Variants in TFAM observed in about 807,000 individuals in gnomAD.
TFAM encodes the protein mitochondrial transcription factor 1.
In TFAM, 13 loss-of-function variants were observed where a neutral mutation model predicts 30.6. That is an observed-to-expected ratio of 0.42 (90% confidence interval 0.28 to 0.67). The LOEUF (loss-of-function observed/expected upper bound fraction) is 0.67, where lower values mean the gene tolerates loss of function less well. Ranked by LOEUF, TFAM falls within the 30% of genes least tolerant of loss-of-function variation. The pLI is 0.21. For missense variants in TFAM, 231 were observed against 293.7 expected, an observed-to-expected ratio of 0.79 and a Z score of 1.56; for synonymous variants, 106 against 94.8, an observed-to-expected ratio of 1.12 and a Z score of -0.69.
intron 4 of TFAM, among the ~76,000 whole-genome samples, chr10:58,390,222 C>T (rs1840565652): frequency 6.6e-6 from 1 of 152,188 alleles, no homozygotes; most frequent in African/African-American, 2.4e-5. Flanking sequence ...ACTCCCTGAA[C>T]TCAGAAATTA....
chr10:58,387,786 T>C (rs887178807), intron 2 of TFAM, among the ~76,000 whole-genome samples: 1 of 151,840 alleles, frequency 6.6e-6, no homozygotes, highest in Non-Finnish European at 1.5e-5. Flanking sequence ...TAACATTAGC[T>C]GGACATGATG....
chr10:58,394,520 A>G, intron 6 of TFAM, 106 bp downstream of exon 6: 1 of 964,100 alleles, frequency 1.0e-6, no homozygotes, highest in Non-Finnish European at 1.7e-6. Context: ...ATTACTAATA[A>G]TACAAGTATT....
intron 5 of TFAM, among the ~76,000 whole-genome samples, chr10:58,392,202 A>G (rs947528023): frequency 6.6e-6 from 1 of 152,142 alleles, no homozygotes; most frequent in Non-Finnish European, 1.5e-5. Context: ...TGGGAGATTA[A>G]ATTTTTGAGT....
chr10:58,391,102 A>T (rs1840590683), intron 5 of TFAM, among the ~76,000 whole-genome samples: 1 of 152,032 alleles, frequency 6.6e-6, no homozygotes, highest in Non-Finnish European at 1.5e-5. Flanking sequence ...CATTTTTTTT[A>T]ATATGTAGGG....
In TFAM at chr10:58,386,077, AAT is replaced by A; in HGVS notation, c.102-141_102-140del. On this transcript the variant is annotated intron_variant, in intron 1 of 6. Transcript: ENST00000487519. ...TCCCCTCCGTTTAGGACAGGGTTTT[AAT>A]AAGTCTCTAGCATTCTTGTTGAAGG... 9.3e-6 allele frequency: 7 copies of A among 751,910 alleles called. No homozygotes were observed. In the South Asian group the frequency reaches 1.0e-4, roughly 11 times the overall value. 46.6% of individuals were successfully genotyped at this position (751,910 alleles called of 1,614,324 possible). A position where few individuals can be genotyped will look rare whatever the true frequency, so the allele number is the denominator to read the frequency against.
chr10:58,396,383 G>C lies in TFAM; in HGVS notation c.*1309G>C, dbSNP rs1840682492. On this transcript the variant is annotated 3_prime_UTR_variant, in exon 7 of 7. Transcript: ENST00000487519. ...CATTGTCACCTTTAAGAGGAAAAAG[G>C]TCATCACTAGATAATCTAAACAAAT... 1 of 152,142 alleles carries C rather than the reference G, an allele frequency of 6.6e-6. No homozygotes were observed. The highest frequency in any genetic ancestry group is 2.4e-5 in the African/African-American group (1 of 41,426). 9.4% of individuals were successfully genotyped at this position (152,142 alleles called of 1,614,324 possible).
intron 5 of TFAM, among the ~76,000 whole-genome samples, chr10:58,393,653 G>A (rs530382126): frequency 6.6e-5 from 10 of 152,168 alleles, no homozygotes; most frequent in East Asian, 1.9e-4. Context: ...TTTGGGAAGC[G>A]GGGTGGGAGG....
chr10:58,390,839 A>C lies in TFAM; in HGVS notation c.516A>C (p.Glu172Asp). Reference sequence around the variant, plus strand: ...TTTATGTAGCTGAAAGATTCCAAGAAGCTAAGGGTGATTCACCGCAGGTAA... The same window carrying C: ...TTTATGTAGCTGAAAGATTCCAAGACGCTAAGGGTGATTCACCGCAGGTAA... ...YNVYVAERFQ[E>D]AKGDSPQEKL... Residue 172 changes from glutamate (E) to aspartate (D), a missense_variant, in exon 5 of 7, where the codon GAA (glutamate) becomes GAC (aspartate). Glu to Asp is a conservative substitution (Grantham distance 45). Coordinates refer to ENST00000487519, the MANE Select transcript of TFAM (RefSeq NM_003201.3). The C allele has an allele frequency of 6.2e-7, 1 of 1,613,162 alleles. No homozygotes were observed. The highest frequency in any genetic ancestry group is 8.5e-7 in the Non-Finnish European group (1 of 1,179,710).
At chr10:58,385,786 G>T (rs1840475272) in intron 1 of TFAM, 138 bp downstream of exon 1, 1 of 733,070 alleles carries the variant, frequency 1.4e-6, no homozygotes, top group East Asian at 2.7e-5. Flanking sequence ...CCGCGACCTT[G>T]CCAAGGGGAC....
intron 5 of TFAM, among the ~76,000 whole-genome samples, chr10:58,393,414 TC>T (rs918792087): frequency 1.4e-4 from 21 of 152,246 alleles, no homozygotes; most frequent in Admixed American, 2.6e-4. Flanking sequence ...TTTTAGGTTT[TC>T]TCCACTGTCA....
chr10:58,394,983 C>A lies in TFAM; in HGVS notation c.650C>A (p.Ser217Tyr). 6.2e-7 allele frequency: 1 copy of A among 1,613,676 alleles called. No individual in the cohort carries two copies. The highest frequency in any genetic ancestry group is 1.1e-5 in the South Asian group (1 of 91,056). Residue 217 changes from serine (S) to tyrosine (Y), a missense_variant, in exon 7 of 7, where the codon TCT becomes TAT. Transcript: ENST00000487519. ...DETRYHNEMK[S>Y]WEEQMIEVGR... Reference sequence around the variant, plus strand: ...ACTCGTTATCATAATGAAATGAAGTCTTGGGAAGAACAAATGATTGAAGTT... The same window carrying A: ...ACTCGTTATCATAATGAAATGAAGTATTGGGAAGAACAAATGATTGAAGTT...
chr10:58,392,702 A>G (rs1242642859), intron 5 of TFAM, among the ~76,000 whole-genome samples: 21 of 151,572 alleles, frequency 1.4e-4, no homozygotes, highest in Admixed American at 1.4e-3. Context: ...TTTTTGAGAC[A>G]GGCAGCCTGT....
At chr10:58,387,249 C>T (rs980779036) in intron 2 of TFAM, among the ~76,000 whole-genome samples, 2 of 151,832 alleles carry the variant, frequency 1.3e-5, no homozygotes, top group Non-Finnish European at 2.9e-5. Context: ...GGTGACAGAG[C>T]GAGACCCTGT....
At chr10:58,388,580 C>T in intron 3 of TFAM, 90 bp from the exon 4 acceptor site, 2 of 1,383,608 alleles carry the variant, frequency 1.4e-6, no homozygotes, top group Admixed American at 3.4e-5. Context: ...ATCTGTCTGT[C>T]TGAAGTCATG....
chr10:58,385,705 G>T lies in TFAM; in HGVS notation c.101+57G>T. On this transcript the variant is annotated intron_variant, in intron 1 of 6. Coordinates refer to ENST00000487519, the MANE Select transcript of TFAM (RefSeq NM_003201.3). ...CAGGGCCCAGGACGTCCCGGGGTTG[G>T]AATGTAGACCCTATCCTTCACTTTC... The T allele has an allele frequency of 5.4e-6, 7 of 1,308,186 alleles. No homozygotes were observed. The South Asian group carries it at 6.3e-5, about 12-fold the overall frequency. 81.0% of individuals were successfully genotyped at this position (1,308,186 alleles called of 1,614,324 possible). A position where few individuals can be genotyped will look rare whatever the true frequency, so the allele number is the denominator to read the frequency against.
At chr10:58,391,408 G>C (rs1436018457) in intron 5 of TFAM, among the ~76,000 whole-genome samples, 1 of 151,856 alleles carries the variant, frequency 6.6e-6, no homozygotes, top group Admixed American at 6.5e-5. Flanking sequence ...TTTTTTTCCT[G>C]TATCATATGA....
chr10:58,399,155 G>A lies in TFAM; in HGVS notation c.*4081G>A, dbSNP rs538680787. On this transcript the variant is annotated 3_prime_UTR_variant, in exon 7 of 7. Transcript: ENST00000487519. ...TTTCAGAATGTTTCACTGGTTACAGGAGCCAGTAAATAAAGTTGACTCTAA... is the reference window on the plus strand; with the variant it reads ...TTTCAGAATGTTTCACTGGTTACAGAAGCCAGTAAATAAAGTTGACTCTAA... The A allele has an allele frequency of 9.2e-4, 140 of 152,202 alleles. No homozygotes were observed. The highest frequency in any genetic ancestry group is 2.7e-3 in the African/African-American group (113 of 41,538). The allele number at this position is 152,202 out of a possible 1,614,324, so 9.4% of individuals were successfully genotyped here.
At chr10:58,386,429 A>G in intron 2 of TFAM, 91 bp downstream of exon 2, 4 of 933,182 alleles carry the variant, frequency 4.3e-6, no homozygotes, top group South Asian at 2.6e-5. Flanking sequence ...GTGCTAAAGC[A>G]TTCAGTGACT....
chr10:58,393,368 A>G (rs1271669125), intron 5 of TFAM, among the ~76,000 whole-genome samples: 3 of 152,040 alleles, frequency 2.0e-5, no homozygotes, highest in Admixed American at 2.0e-4. Context: ...CCAATTCCTG[A>G]GATATTTGGG....
Sources: gnomAD v4.1 joint callset for allele counts (sites outside exome capture counted in the v4.1 genomes callset) on GRCh38, gnomAD v4.1.1 for gene constraint, MANE v1.5 for transcripts, NCBI Gene and HGNC (gene_info 2026-07-23, HGNC 2026-07-21) for gene names.